MACF1: variants seen among roughly 807,000 people sequenced by gnomAD.
The protein encoded by MACF1 is microtubule-actin cross-linking factor 1.
A neutral mutation model predicts 854.8 loss-of-function variants in MACF1; 193 were observed. The observed-to-expected ratio is 0.23, with a 90% CI of 0.20 to 0.25. MACF1 has a LOEUF of 0.25. MACF1 is among the 10% of genes least tolerant of loss of function. The pLI, the probability that MACF1 is intolerant of heterozygous loss-of-function variation, is 1.00. For missense variants in MACF1, 7,722 were observed against 8,929.1 expected (o/e 0.86, Z 5.45); for synonymous variants, 3,185 against 3,226.7 (o/e 0.99, Z 0.44).
rs931372776 is a variant in MACF1 at position 39,439,478 on chromosome 1, A to G, written c.18425A>G (p.Lys6142Arg). 1.5e-5 allele frequency: 24 copies of G among 1,614,002 alleles called. No individual in the cohort carries two copies. The highest frequency in any genetic ancestry group is 2.0e-5 in the Non-Finnish European group (24 of 1,179,974). Residue 6142 changes from lysine to arginine, a missense_variant, in exon 72 of 101, where the codon AAA becomes AGA. By Grantham distance (26) the Lys-to-Arg change is conservative. This residue lies in a region of MACF1 where 2,807 missense variants were observed against 3,235.8 expected (regional missense o/e 0.87). Transcript: ENST00000564288. The stretch of plus-strand genomic sequence containing the variant: ...CCAGGCATTGATCCTTCCATCATCA[A>G]ACAACAGGTTGAAGCTGCTGAGGTA... ...ESPGIDPSII[K>R]QQVEAAETIK...
intron 2 of MACF1, among the ~76,000 whole-genome samples, chr1:39,111,321 G>A (rs145848019): frequency 0.031 from 4,678 of 152,014 alleles, 108 homozygotes; most frequent in Non-Finnish European, 0.042. Context: ...TCAGCCTCCG[G>A]AGTAGCTAGG....
rs749943815 is a variant in MACF1 at position 39,335,012 on chromosome 1, A to C, written c.8424A>C (p.Val2808=). 1 of 1,614,120 alleles carries C rather than the reference A, an allele frequency of 6.2e-7. No homozygotes were observed. Among genetic ancestry groups the C allele is most frequent in the Admixed American group, 1.7e-5 (1 of 60,010 alleles). Residue 2808 remains valine, a synonymous_variant, in exon 37 of 101, where the codon GTA becomes GTC. Transcript: ENST00000564288. ...NQTAEMSCNK[V]EESERLFQVE... is the part of the protein sequence containing the mutation. ...CTGCTGAAATGAGTTGTAATAAAGT[A>C]GAAGAGAGTGAGAGATTATTTCAAG...
chr1:39,388,520 A>G lies in MACF1; in HGVS notation c.15678A>G (p.Thr5226=), dbSNP rs145629410. ...CTCGTCAGGAACAGCTGGAACTGAC[A>G]CTAGGCCGTGTAGAGGACTTCTACA... The part of the protein sequence containing the change: ...GKARQEQLEL[T]LGRVEDFYRK... The change falls in exon 58 of 101, where the codon ACA becomes ACG. Residue 5226 remains threonine (T), a synonymous_variant. Coordinates refer to ENST00000564288, the MANE Select transcript of MACF1 (RefSeq NM_001394062.1). The G allele has an allele frequency of 5.6e-6, 9 of 1,614,110 alleles. No individual in the cohort carries two copies. The African/African-American group carries it at 1.2e-4, about 22-fold the overall frequency.
At chr1:39,405,029 CTT>C (rs1318603354) in intron 58 of MACF1, among the ~76,000 whole-genome samples, 1 of 152,120 alleles carries the variant, frequency 6.6e-6, no homozygotes, top group African/African-American at 2.4e-5. Context: ...AATACACTGT[CTT>C]TTGGAAAGTC....
At chr1:39,220,236 C>T (rs1644632772) in intron 1 of MACF1, among the ~76,000 whole-genome samples, 1 of 151,956 alleles carries the variant, frequency 6.6e-6, no homozygotes, top group South Asian at 2.1e-4. Flanking sequence ...AGTGCAGTGG[C>T]ACAATCTCAG....
intron 98 of MACF1, among the ~76,000 whole-genome samples, chr1:39,480,501 C>T (rs193188479): frequency 2.3e-4 from 35 of 152,258 alleles, no homozygotes; most frequent in African/African-American, 8.4e-4. Flanking sequence ...TGGTGGTGAG[C>T]ACCTATAGTC....
At chr1:39,345,968 T>C (rs1647036674) in intron 40 of MACF1, among the ~76,000 whole-genome samples, 1 of 147,064 alleles carries the variant, frequency 6.8e-6, no homozygotes, top group South Asian at 2.1e-4. Context: ...ACTCAGGAGG[T>C]AGAGGCACAA....
At chr1:39,429,776 C>A (rs780626486) in intron 64 of MACF1, 51 bp from the exon 65 acceptor site, 1 of 1,570,992 alleles carries the variant, frequency 6.4e-7, no homozygotes, top group South Asian at 1.1e-5. Context: ...ATCAGAGACT[C>A]CTCATTCCTA....
intron 80 of MACF1, among the ~76,000 whole-genome samples, chr1:39,446,873 C>T (rs1036327935): frequency 2.6e-5 from 4 of 152,060 alleles, no homozygotes; most frequent in African/African-American, 9.7e-5. Flanking sequence ...AGATTTTTGC[C>T]TAGAATGTCT....
chr1:39,331,590 A>T lies in MACF1; in HGVS notation c.5002A>T (p.Asn1668Tyr). 1 of 1,614,180 alleles carries T rather than the reference A, an allele frequency of 6.2e-7. No homozygotes were observed. Among genetic ancestry groups the T allele is most frequent in the Non-Finnish European group, 8.5e-7 (1 of 1,180,020 alleles). The change falls in exon 37 of 101, where the codon AAC (asparagine) becomes TAC (tyrosine). Residue 1668 changes from asparagine (N) to tyrosine (Y), a missense_variant. Asn to Tyr is a moderately radical substitution (Grantham distance 143). This residue lies in a region of MACF1 where 1,531 missense variants were observed against 1,601.6 expected (regional missense o/e 0.96). Transcript: ENST00000564288. ...AGGTTTCAGTCTTTCCCCTAGTGAG[A>T]ACTGTATTAACCTGGAAGAGGCTTT... ...TGGFSLSPSE[N>Y]CINLEEAFHQ...
At chr1:39,340,453 G>A in intron 38 of MACF1, 49 bp from the exon 39 acceptor site, 1 of 1,362,948 alleles carries the variant, frequency 7.3e-7, no homozygotes, top group Non-Finnish European at 1.0e-6. Flanking sequence ...CTGATTCCCA[G>A]AGGGTTTCTA....
intron 5 of MACF1, among the ~76,000 whole-genome samples, chr1:39,257,116 C>T (rs982739833): frequency 2.6e-5 from 4 of 152,186 alleles, no homozygotes; most frequent in African/African-American, 9.7e-5. Context: ...CAAAAACCTG[C>T]ACATGAATAT....
At chr1:39,138,710 G>A (rs1157710116) in intron 2 of MACF1, among the ~76,000 whole-genome samples, 1 of 151,528 alleles carries the variant, frequency 6.6e-6, no homozygotes, top group Non-Finnish European at 1.5e-5. Context: ...TGTCACCCAC[G>A]CTGTAGTGCA....
intron 2 of MACF1, among the ~76,000 whole-genome samples, chr1:39,136,441 T>TCCAA (rs1326292112): frequency 1.3e-5 from 2 of 152,170 alleles, no homozygotes; most frequent in Non-Finnish European, 2.9e-5. Flanking sequence ...AACTGTGGAT[T>TCCAA]CTCCTGTTTG....
At chr1:39,200,970 T>C (rs1327704123), upstream of MACF1, among the ~76,000 whole-genome samples, 1 of 152,122 alleles carries the variant, frequency 6.6e-6, no homozygotes, top group African/African-American at 2.4e-5. Context: ...AACCTAATGT[T>C]ATTCAAAAGG....
chr1:39,380,189 A>C lies in MACF1; in HGVS notation c.13519-55A>C, dbSNP rs2148554771. On this transcript the variant is annotated intron_variant, in intron 54 of 100. Coordinates refer to ENST00000564288, the MANE Select transcript of MACF1 (RefSeq NM_001394062.1). Reference sequence around the variant, plus strand: ...TTTTCCAATCATTTCTACCACACACACAACTTTGTTTCCTGTCCAGAATCT... The same window carrying C: ...TTTTCCAATCATTTCTACCACACACCCAACTTTGTTTCCTGTCCAGAATCT... 1.9e-6 allele frequency: 3 copies of C among 1,580,056 alleles called. No homozygotes were observed. In the East Asian group the frequency reaches 6.8e-5, roughly 36 times the overall value.
At chr1:39,361,983 C>G (rs1648223971) in intron 49 of MACF1, among the ~76,000 whole-genome samples, 1 of 152,180 alleles carries the variant, frequency 6.6e-6, no homozygotes, top group South Asian at 2.1e-4. Context: ...TTCATGATTA[C>G]TGCCTCAGTG....
chr1:39,266,235 T>C (rs1645229845), intron 6 of MACF1, among the ~76,000 whole-genome samples: 1 of 152,246 alleles, frequency 6.6e-6, no homozygotes, highest in Non-Finnish European at 1.5e-5. Flanking sequence ...TTTGCTTGTA[T>C]GTCATTCATA....
At chr1:39,292,187 C>A in intron 16 of MACF1, 149 bp downstream of exon 16, 1 of 871,832 alleles carries the variant, frequency 1.1e-6, no homozygotes, top group Non-Finnish European at 1.7e-6. Context: ...ATTCCCTTTT[C>A]ACATGAAGTG....
Sources: gnomAD v4.1 joint callset for allele counts (sites outside exome capture counted in the v4.1 genomes callset) on GRCh38, gnomAD v4.1.1 for gene constraint, gnomAD v4.1.1 regional missense constraint, MANE v1.5 for transcripts, NCBI Gene and HGNC (gene_info 2026-07-23, HGNC 2026-07-21) for gene names.